Variants in DMRT1 observed in about 807,000 individuals in gnomAD.
DMRT1 encodes doublesex and mab-3 related transcription factor 1.
A neutral mutation model predicts 32.3 loss-of-function variants in DMRT1; 7 were observed. The ratio of observed to expected loss-of-function variants is 0.22; its 90% confidence interval spans 0.12 to 0.41. DMRT1 has a LOEUF of 0.41. Among genes scored for constraint, DMRT1 ranks in the 10% least tolerant of loss-of-function variants. The pLI, the probability that DMRT1 is intolerant of heterozygous loss-of-function variation, is 1.00. For missense variants in DMRT1, 625 were observed against 500.5 expected, an observed-to-expected ratio of 1.25 and a Z score of -2.37; for synonymous variants, 278 against 206.1, an observed-to-expected ratio of 1.35 and a Z score of -2.99.
chr9:871,220 G>A (rs1816235273), intron 2 of DMRT1, among the ~76,000 whole-genome samples: 1 of 148,482 alleles, frequency 6.7e-6, no homozygotes, highest in South Asian at 2.1e-4. Flanking sequence ...TAGAGACGGG[G>A]TTTTGCCACG....
At chr9:905,721 C>T (rs772453788) in intron 3 of DMRT1, among the ~76,000 whole-genome samples, 2 of 152,052 alleles carry the variant, frequency 1.3e-5, no homozygotes, top group African/African-American at 2.4e-5. Flanking sequence ...AACAGTGTCA[C>T]GCTGCTGGGC....
chr9:926,893 G>A (rs1004568628), intron 4 of DMRT1, among the ~76,000 whole-genome samples: 1 of 152,198 alleles, frequency 6.6e-6, no homozygotes, highest in Non-Finnish European at 1.5e-5. Context: ...GCTCTCTTGT[G>A]GGTACATCAC....
At chr9:957,274 A>G (rs1208535507) in intron 4 of DMRT1, among the ~76,000 whole-genome samples, 4 of 152,252 alleles carry the variant, frequency 2.6e-5, no homozygotes, top group African/African-American at 4.8e-5. Context: ...TAACAATAAC[A>G]TTCCATGAAT....
chr9:916,344 C>T (rs1280021203), intron 3 of DMRT1, among the ~76,000 whole-genome samples: 1 of 151,838 alleles, frequency 6.6e-6, no homozygotes, highest in South Asian at 2.1e-4. Flanking sequence ...AGGCCACTTC[C>T]AACTTAGATA....
intron 2 of DMRT1, among the ~76,000 whole-genome samples, chr9:875,796 G>C (rs113267963): frequency 6.6e-6 from 1 of 152,268 alleles, no homozygotes; most frequent in South Asian, 2.1e-4. Flanking sequence ...GTACGTATGT[G>C]TGTGTGCATA....
intron 2 of DMRT1, among the ~76,000 whole-genome samples, chr9:859,185 A>C (rs1368215271): frequency 6.6e-6 from 1 of 151,734 alleles, no homozygotes; most frequent in Admixed American, 6.6e-5. Flanking sequence ...GGCTCTCTTA[A>C]CTCCCAAATG....
intron 1 of DMRT1, among the ~76,000 whole-genome samples, chr9:845,220 A>G (rs78065921): frequency 6.6e-6 from 1 of 150,984 alleles, no homozygotes. Flanking sequence ...TTATTTATTT[A>G]TTTTTTTGAG....
At chr9:925,791 T>C (rs1465779377) in intron 4 of DMRT1, among the ~76,000 whole-genome samples, 16 of 152,146 alleles carry the variant, frequency 1.1e-4, no homozygotes, top group Non-Finnish European at 1.5e-5. Context: ...GATGAGGATA[T>C]TGAAGCATAG....
At chr9:843,708 A>C (rs1402428798) in intron 1 of DMRT1, among the ~76,000 whole-genome samples, 1 of 152,252 alleles carries the variant, frequency 6.6e-6, no homozygotes, top group Non-Finnish European at 1.5e-5. Flanking sequence ...AAAGATAACG[A>C]AGAAATGTTT....
intron 3 of DMRT1, among the ~76,000 whole-genome samples, chr9:901,397 G>A (rs936538525): frequency 6.6e-6 from 1 of 151,990 alleles, no homozygotes; most frequent in Non-Finnish European, 1.5e-5. Flanking sequence ...CGCGATCTCG[G>A]CTCACTGCAA....
At chr9:885,304 C>G (rs548877922) in intron 2 of DMRT1, among the ~76,000 whole-genome samples, 6 of 152,326 alleles carry the variant, frequency 3.9e-5, no homozygotes, top group Non-Finnish European at 5.9e-5. Flanking sequence ...AGAGGGCTTT[C>G]TGTATCCCCT....
At chr9:885,552 T>C (rs540190714) in intron 2 of DMRT1, among the ~76,000 whole-genome samples, 6 of 152,322 alleles carry the variant, frequency 3.9e-5, no homozygotes, top group Admixed American at 2.6e-4. Flanking sequence ...TGCCTATCAG[T>C]CTGCTCTCGA....
At chr9:878,200 G>GCAC (rs1816584290) in intron 2 of DMRT1, among the ~76,000 whole-genome samples, 1 of 94,040 alleles carries the variant, frequency 1.1e-5, no homozygotes, top group Non-Finnish European at 2.0e-5. Flanking sequence ...TGCAGCTGCT[G>GCAC]CCCCCCCCCC....
At chr9:914,096 T>C (rs10816039) in intron 3 of DMRT1, among the ~76,000 whole-genome samples, 114,476 of 151,688 alleles carry the variant, frequency 0.75, 43,403 homozygotes, top group South Asian at 0.89. Flanking sequence ...CAAAAGATGC[T>C]GCAGTGCTCT....
chr9:930,820 A>G (rs7027537), intron 4 of DMRT1, among the ~76,000 whole-genome samples: 52,675 of 151,926 alleles, frequency 0.35, 12,039 homozygotes, highest in African/African-American at 0.65. Context: ...GATTACAGAC[A>G]TGAGCCATTG....
chr9:891,210 T>A (rs1192278907), intron 2 of DMRT1, among the ~76,000 whole-genome samples: 2 of 149,360 alleles, frequency 1.3e-5, no homozygotes, highest in African/African-American at 4.9e-5. Context: ...AGCTAAGAGC[T>A]TATTAAAATT....
intron 2 of DMRT1, among the ~76,000 whole-genome samples, chr9:878,409 G>C (rs1337182484): frequency 6.6e-6 from 1 of 152,174 alleles, no homozygotes; most frequent in Non-Finnish European, 1.5e-5. Context: ...ACAGTAAGCA[G>C]TTGTTGCTTT....
At chr9:854,768 A>T (rs1277028474) in intron 2 of DMRT1, among the ~76,000 whole-genome samples, 1 of 108,296 alleles carries the variant, frequency 9.2e-6, no homozygotes, top group African/African-American at 3.5e-5. Flanking sequence ...GCAAAACAAA[A>T]CTCCTTTTTT....
intron 2 of DMRT1, among the ~76,000 whole-genome samples, chr9:851,445 G>T (rs144961156): frequency 6.6e-6 from 1 of 152,012 alleles, no homozygotes; most frequent in African/African-American, 2.4e-5. Flanking sequence ...CACCATGTTG[G>T]TCAGGCTGGT....
Sources: allele counts gnomAD v4.1 joint callset (sites outside exome capture counted in the v4.1 genomes callset), GRCh38; gene constraint gnomAD v4.1.1; transcripts MANE v1.5; gene names NCBI Gene and HGNC (gene_info 2026-07-23, HGNC 2026-07-21).